The following CREB5 variants were observed in gnomAD, a reference collection of about 807,000 sequenced individuals.
CREB5 encodes cAMP responsive element binding protein 5.
In CREB5, 19 loss-of-function variants were observed where a neutral mutation model predicts 57.1. The observed-to-expected ratio is 0.33, with a 90% CI of 0.23 to 0.49. The LOEUF (loss-of-function observed/expected upper bound fraction) is 0.49, where lower values mean the gene tolerates loss of function less well. CREB5 is among the 20% of genes least tolerant of loss of function. The pLI is 0.99. For synonymous variants in CREB5, 238 were observed against 238.3 expected (o/e 1.00, Z 0.01); for missense variants, 579 against 671.6 (o/e 0.86, Z 1.52).
chr7:28,651,190 A>T (rs1163703173), intron 5 of CREB5, among the ~76,000 whole-genome samples: 1 of 152,160 alleles, frequency 6.6e-6, no homozygotes, highest in Non-Finnish European at 1.5e-5. Context: ...AGCATATGCC[A>T]GGCAATTTTT....
At chr7:28,412,499 A>G (rs1200056331), upstream of CREB5, 1 of 157,860 alleles carries the variant, frequency 6.3e-6, no homozygotes, top group South Asian at 2.0e-4. Context: ...TAAACTGAGC[A>G]TGTAGCTGCT....
chr7:28,569,406 G>T (rs1461954315), intron 4 of CREB5, among the ~76,000 whole-genome samples: 1 of 152,074 alleles, frequency 6.6e-6, no homozygotes, highest in Non-Finnish European at 1.5e-5. Context: ...TGCTCAGTGT[G>T]AATTTTCTCT....
intron 4 of CREB5, among the ~76,000 whole-genome samples, chr7:28,569,778 C>T (rs754516617): frequency 6.6e-6 from 1 of 152,234 alleles, no homozygotes; most frequent in South Asian, 2.1e-4. Context: ...AGCGGCAACT[C>T]TTATTCTGAT....
intron 5 of CREB5, among the ~76,000 whole-genome samples, chr7:28,583,524 C>A (rs1314563701): frequency 6.6e-6 from 1 of 152,126 alleles, no homozygotes; most frequent in Non-Finnish European, 1.5e-5. Context: ...ACAACAATAA[C>A]AAAGGAAGTT....
intron 1 of CREB5, among the ~76,000 whole-genome samples, chr7:28,453,067 T>C (rs909982612): frequency 6.6e-5 from 10 of 152,234 alleles, no homozygotes; most frequent in Admixed American, 1.3e-4. Flanking sequence ...TGGAAGGTTC[T>C]AAATTAAACC....
chr7:28,689,573 T>C (rs1302803197), intron 5 of CREB5, among the ~76,000 whole-genome samples: 1 of 152,164 alleles, frequency 6.6e-6, no homozygotes, highest in Non-Finnish European at 1.5e-5. Flanking sequence ...ACAATCAAAA[T>C]ATGGACACTG....
At chr7:28,364,387 C>A (rs1786547873) in intron 1 of CREB5, among the ~76,000 whole-genome samples, 1 of 152,198 alleles carries the variant, frequency 6.6e-6, no homozygotes, top group Non-Finnish European at 1.5e-5. Flanking sequence ...TTGACCAATT[C>A]CTCAACATCT....
At chr7:28,650,541 G>A (rs1039618667) in intron 5 of CREB5, among the ~76,000 whole-genome samples, 1 of 152,080 alleles carries the variant, frequency 6.6e-6, no homozygotes, top group African/African-American at 2.4e-5. Context: ...TCCTTCAAGT[G>A]GAAGGCTAAA....
rs577590424 is a variant in CREB5, at chr7:28,820,613, T to G, written c.*1334T>G. ...AGGTGCAGGCTACTTCACTCTTTTTTTTTCTTTTTTGAGACAGAGTCTCAC... is the reference window on the plus strand; with the variant it reads ...AGGTGCAGGCTACTTCACTCTTTTTGTTTCTTTTTTGAGACAGAGTCTCAC... On this transcript the variant is annotated 3_prime_UTR_variant, in exon 11 of 11. Transcript: ENST00000357727. 4.1e-4 allele frequency: 63 copies of G among 152,524 alleles called. No homozygotes were observed. Among genetic ancestry groups the G allele is most frequent in the African/African-American group, 1.4e-3 (57 of 41,488 alleles). The allele number at this position is 152,524 out of a possible 1,614,324, so 9.4% of individuals were successfully genotyped here.
chr7:28,573,675 G>A (rs1199651399), intron 5 of CREB5, among the ~76,000 whole-genome samples: 2 of 152,188 alleles, frequency 1.3e-5, no homozygotes, highest in East Asian at 3.8e-4. Context: ...AAGCTTGGAG[G>A]CTTGAATGTA....
Position 28,755,771 on chromosome 7 carries a change from C to T in CREB5, c.702+31439C>T, listed in dbSNP as rs73307000. On this transcript the variant is annotated intron_variant, in intron 7 of 10. Transcript: ENST00000357727. ...CTGAACATTGATCCTGAGAGCTGCT[C>T]GCCATGAAAAGAATGAAATGAATGC... Among the ~76,000 whole-genome samples, 1,344 of 152,174 alleles carry T rather than the reference C, an allele frequency of 8.8e-3. 21 individuals carry two copies. The highest frequency in any genetic ancestry group is 0.031 in the African/African-American group (1,282 of 41,516).
intron 5 of CREB5, among the ~76,000 whole-genome samples, chr7:28,684,078 G>A (rs1197866036): frequency 6.6e-6 from 1 of 152,136 alleles, no homozygotes; most frequent in African/African-American, 2.4e-5. Context: ...CATTTAAAAA[G>A]GAAAAAGTAG....
intron 5 of CREB5, among the ~76,000 whole-genome samples, chr7:28,673,273 T>G (rs748023780): frequency 6.6e-6 from 1 of 152,164 alleles, no homozygotes; most frequent in Non-Finnish European, 1.5e-5. Flanking sequence ...TCATCACACA[T>G]TCTAAAAGGA....
chr7:28,638,160 G>T (rs545199387), intron 5 of CREB5, among the ~76,000 whole-genome samples: 1 of 152,046 alleles, frequency 6.6e-6, no homozygotes, highest in South Asian at 2.1e-4. Context: ...TATCAGCAAA[G>T]ATACGGACTA....
rs1197402106 is a variant in CREB5, at chr7:28,327,961, CTCTCATAA to C, written c.-25+28523_-25+28530del. Among the ~76,000 whole-genome samples, 4 of 152,198 alleles carry C rather than the reference CTCTCATAA, an allele frequency of 2.6e-5. No individual in the cohort carries two copies. The East Asian group carries it at 7.7e-4, about 29-fold the overall frequency. ...GACCCCTTATTACATTTAGCCTCTG[CTCTCATAA>C]TCCATCAAAATTACTAGCTGAAAGA... On this transcript the variant is annotated intron_variant, in intron 1 of 9. Coordinates refer to the CREB5 transcript ENST00000396299.
intron 1 of CREB5, among the ~76,000 whole-genome samples, chr7:28,472,758 C>A (rs549314291): frequency 6.6e-6 from 1 of 152,290 alleles, no homozygotes; most frequent in East Asian, 1.9e-4. Flanking sequence ...GGTACTTCGA[C>A]GATCCAAGGT....
At chr7:28,639,900 C>A (rs1798580106) in intron 5 of CREB5, among the ~76,000 whole-genome samples, 1 of 152,148 alleles carries the variant, frequency 6.6e-6, no homozygotes. Flanking sequence ...TTTCTATGAA[C>A]CTACTCCTGC....
At chr7:28,808,221 G>A (rs1252737622) in intron 8 of CREB5, among the ~76,000 whole-genome samples, 1 of 152,192 alleles carries the variant, frequency 6.6e-6, no homozygotes, top group African/African-American at 2.4e-5. Flanking sequence ...CCTGGTGAGC[G>A]CTCTGAGGGG....
At chr7:28,639,523 T>G (rs1798563927) in intron 5 of CREB5, among the ~76,000 whole-genome samples, 1 of 152,146 alleles carries the variant, frequency 6.6e-6, no homozygotes, top group African/African-American at 2.4e-5. Context: ...AAGGAATCCA[T>G]GTTTTAATTT....
Sources: allele counts gnomAD v4.1 joint callset (sites outside exome capture counted in the v4.1 genomes callset), GRCh38; gene constraint gnomAD v4.1.1; transcripts MANE v1.5; gene names NCBI Gene and HGNC (gene_info 2026-07-23, HGNC 2026-07-21).